Variants in GNAQ observed in about 807,000 individuals in gnomAD.
The protein encoded by GNAQ is G protein subunit alpha q.
Under a neutral mutation model 43.9 loss-of-function variants are expected in GNAQ, and 8 were observed. That is an observed-to-expected ratio of 0.18 (90% CI 0.11 to 0.33). The LOEUF is 0.33. GNAQ is among the 10% of genes least tolerant of loss of function. The pLI is 1.00. For synonymous variants in GNAQ, 155 were observed against 170.7 expected, an observed-to-expected ratio of 0.91 and a Z score of 0.71; for missense variants, 158 against 450.8, an observed-to-expected ratio of 0.35 and a Z score of 5.88.
chr9:77,894,938 C>T (rs1828474885), intron 2 of GNAQ, among the ~76,000 whole-genome samples: 1 of 151,562 alleles, frequency 6.6e-6, no homozygotes, highest in African/African-American at 2.4e-5. Context: ...GCCTGTAATC[C>T]CAGCACTTTG....
chr9:77,896,825 A>G (rs761852678), intron 2 of GNAQ, among the ~76,000 whole-genome samples: 6 of 152,216 alleles, frequency 3.9e-5, no homozygotes, highest in African/African-American at 1.4e-4. Flanking sequence ...ATTATTTACT[A>G]TGCACTTCAG....
rs1825298598 is a variant in GNAQ at position 77,720,824 on chromosome 9, T to C, written c.*499A>G. On this transcript the variant is annotated 3_prime_UTR_variant, in exon 7 of 7. Transcript: ENST00000286548. ...AAACTACAAACTTAAATTAAGCTGATGATGGCTTAAATCGAACGATGTGTC... is the reference window on the plus strand; with the variant it reads ...AAACTACAAACTTAAATTAAGCTGACGATGGCTTAAATCGAACGATGTGTC... The C allele has an allele frequency of 4.3e-6, 1 of 233,742 alleles. No individual in the cohort carries two copies. The highest frequency in any genetic ancestry group is 2.2e-5 in the African/African-American group (1 of 45,314). The allele number at this position is 233,742 out of a possible 1,614,324, so 14.5% of individuals were successfully genotyped here.
At chr9:77,889,740 G>C (rs1438455477) in intron 2 of GNAQ, among the ~76,000 whole-genome samples, 1 of 152,070 alleles carries the variant, frequency 6.6e-6, no homozygotes, top group Non-Finnish European at 1.5e-5. Context: ...TATTCAATTA[G>C]TATGCTTCTC....
At chr9:77,981,998 G>C (rs531061916) in intron 1 of GNAQ, among the ~76,000 whole-genome samples, 1 of 152,258 alleles carries the variant, frequency 6.6e-6, no homozygotes, top group South Asian at 2.1e-4. Flanking sequence ...AGGTTCCTGA[G>C]GTAGAAAAGT....
intron 1 of GNAQ, among the ~76,000 whole-genome samples, chr9:77,951,360 AG>A (rs1437275914): frequency 6.6e-6 from 1 of 152,092 alleles, no homozygotes; most frequent in East Asian, 1.9e-4. Flanking sequence ...GGCCTCCCAA[AG>A]TGCTGGGATT....
At position 77,717,026 on chromosome 9, in the gene GNAQ, AAT is replaced by A. The variant is rs1270181576; in HGVS notation, c.*4295_*4296del. On this transcript the variant is annotated 3_prime_UTR_variant, in exon 7 of 7. Transcript: ENST00000286548. Reference sequence around the variant, plus strand: ...TAAACAGCAGGTGTCTGGCTCCAAAAATCTCTAGCTAATCATATACAACTAAG... The same window carrying A: ...TAAACAGCAGGTGTCTGGCTCCAAAACTCTAGCTAATCATATACAACTAAG... 4.3e-6 allele frequency: 1 copy of A among 232,684 alleles called. No homozygotes were observed. The highest frequency in any genetic ancestry group is 8.5e-6 in the Non-Finnish European group (1 of 117,784). 14.4% of individuals were successfully genotyped at this position (232,684 alleles called of 1,614,324 possible). A position where few individuals can be genotyped will look rare whatever the true frequency, so the allele number is the denominator to read the frequency against.
intron 2 of GNAQ, among the ~76,000 whole-genome samples, chr9:77,919,649 A>G (rs1174851047): frequency 6.6e-6 from 1 of 152,208 alleles, no homozygotes; most frequent in East Asian, 1.9e-4. Flanking sequence ...AGAAAAAGAA[A>G]CAAACGTGAA....
chr9:77,863,208 A>AAGGAAGGAAGGAAGGAAGGAAGGAAGGG (rs1564133723), intron 2 of GNAQ, among the ~76,000 whole-genome samples: 1 of 150,084 alleles, frequency 6.7e-6, no homozygotes, highest in Non-Finnish European at 1.5e-5. Context: ...GGAAGGAAGG[A>AAGGAAGGAAGGAAGGAAGGAAGGAAGGG]AGGAAGGAAG....
chr9:77,988,403 G>T (rs993002326), intron 1 of GNAQ, among the ~76,000 whole-genome samples: 1 of 152,222 alleles, frequency 6.6e-6, no homozygotes, highest in Non-Finnish European at 1.5e-5. Context: ...CAACCTAAAA[G>T]GATGTGGGAT....
chr9:77,726,870 G>A (rs1481480762), intron 6 of GNAQ, among the ~76,000 whole-genome samples: 1 of 152,118 alleles, frequency 6.6e-6, no homozygotes. Context: ...CTAGACCACG[G>A]CTTGGCAAAC....
At chr9:77,886,809 T>A (rs1298370803) in intron 2 of GNAQ, among the ~76,000 whole-genome samples, 1 of 151,754 alleles carries the variant, frequency 6.6e-6, no homozygotes, top group African/African-American at 2.4e-5. Context: ...ATGTTAGCCA[T>A]CCAAAAAAAT....
rs113595578 is a variant in GNAQ, at chr9:77,823,688, C to T, written c.322-7918G>A. ...TGGTAGAGCAGGAGAGACAGAGAAG[C>T]GGGAGGTGCCACACACTTTTAAACG... On this transcript the variant is annotated intron_variant, in intron 2 of 6. Transcript: ENST00000286548. Among the ~76,000 whole-genome samples the T allele has an allele frequency of 2.5e-4, 38 of 152,148 alleles. 3 individuals carry two copies. The highest frequency in any genetic ancestry group is 9.2e-4 in the African/African-American group (38 of 41,526).
At chr9:77,931,227 C>T (rs1251927456) in intron 1 of GNAQ, among the ~76,000 whole-genome samples, 2 of 150,436 alleles carry the variant, frequency 1.3e-5, no homozygotes, top group African/African-American at 4.9e-5. Context: ...CCCTCTTTTT[C>T]TCTTCCTTAC....
Position 77,716,758 on chromosome 9 carries a change from C to A in GNAQ, c.*4565G>T. 1 of 232,794 alleles carries A rather than the reference C, an allele frequency of 4.3e-6. No homozygotes were observed. The highest frequency in any genetic ancestry group is 5.6e-5 in the Admixed American group (1 of 17,758). The allele number at this position is 232,794 out of a possible 1,614,324, so 14.4% of individuals were successfully genotyped here. The stretch of plus-strand genomic sequence containing the variant: ...AGATGTTTTCATAACATGTAAATGT[C>A]ATTTGCTATATTGGGTTGGAATCAT... On this transcript the variant is annotated 3_prime_UTR_variant, in exon 7 of 7. Coordinates refer to ENST00000286548, the MANE Select transcript of GNAQ (RefSeq NM_002072.5).
At chr9:77,830,565 C>T (rs1022378001) in intron 2 of GNAQ, among the ~76,000 whole-genome samples, 6 of 152,140 alleles carry the variant, frequency 3.9e-5, no homozygotes, top group Non-Finnish European at 7.3e-5. Context: ...CTTAAAAACA[C>T]GTTTTTCTTT....
chr9:77,779,736 G>T (rs1257937077), intron 5 of GNAQ, among the ~76,000 whole-genome samples: 2 of 119,686 alleles, frequency 1.7e-5, no homozygotes, highest in Non-Finnish European at 3.5e-5. Context: ...AGAAATCAAA[G>T]AGTGATCACT....
intron 1 of GNAQ, among the ~76,000 whole-genome samples, chr9:77,925,161 C>T (rs1039089275): frequency 6.6e-6 from 1 of 152,082 alleles, no homozygotes; most frequent in Admixed American, 6.5e-5. Flanking sequence ...AAGTTACTTA[C>T]ACCTGGTCCA....
At chr9:77,947,297 C>A (rs2118363422) in intron 1 of GNAQ, among the ~76,000 whole-genome samples, 1 of 152,346 alleles carries the variant, frequency 6.6e-6, no homozygotes, top group East Asian at 1.9e-4. Flanking sequence ...AAGCAGTGAG[C>A]CCTGGGCTGG....
intron 2 of GNAQ, among the ~76,000 whole-genome samples, chr9:77,822,944 T>C (rs1384439628): frequency 1.3e-5 from 2 of 152,050 alleles, no homozygotes; most frequent in East Asian, 3.9e-4. Flanking sequence ...TTTTTTTTTT[T>C]TTCTTTGAGA....
Sources: gnomAD v4.1 joint callset for allele counts (sites outside exome capture counted in the v4.1 genomes callset) on GRCh38, gnomAD v4.1.1 for gene constraint, MANE v1.5 for transcripts, NCBI Gene and HGNC (gene_info 2026-07-23, HGNC 2026-07-21) for gene names.